VPS45: variants seen among roughly 807,000 people sequenced by gnomAD.
VPS45 encodes vacuolar protein sorting 45 homolog, also known as vacuolar protein sorting-associated protein 45.
In VPS45, 35 loss-of-function variants were observed where a neutral mutation model predicts 75.9. That is an observed-to-expected ratio of 0.46 (90% confidence interval 0.35 to 0.61). The LOEUF (loss-of-function observed/expected upper bound fraction) is 0.61. Among genes scored for constraint, VPS45 ranks in the 20% least tolerant of loss-of-function variants. The pLI is 0.00. For synonymous variants in VPS45, 220 were observed against 238.2 expected (o/e 0.92, Z 0.70); for missense variants, 559 against 685.9 (o/e 0.81, Z 2.07).
In VPS45 at chr1:150,092,161, C is replaced by T. The variant is rs1034602005; in HGVS notation, c.1263+66C>T. On this transcript the variant is annotated intron_variant, in intron 11 of 14. Transcript: ENST00000644510. ...TCTGTTATTATATTCTTAGCTCTAA[C>T]GAATGATAAATCATACTATTTTTAT... The T allele has an allele frequency of 5.2e-6, 8 of 1,545,300 alleles. No homozygotes were observed. In the Admixed American group the frequency reaches 7.6e-5, roughly 15 times the overall value.
rs74127408 is a variant in VPS45 at position 150,076,341 on chromosome 1, C to T, written c.369+29C>T. 8,616 of 1,535,130 alleles carry T rather than the reference C, an allele frequency of 5.6e-3. 348 individuals carry two copies. The African/African-American group carries it at 0.098, about 17-fold the overall frequency. Reference sequence around the variant, plus strand: ...AACATATTGGTCCTGTAACACATCTCGTATGTTGGCCCTTTTTAAATATTT... The same window carrying T: ...AACATATTGGTCCTGTAACACATCTTGTATGTTGGCCCTTTTTAAATATTT... On this transcript the variant is annotated intron_variant, in intron 4 of 14. Coordinates refer to ENST00000644510, the MANE Select transcript of VPS45 (RefSeq NM_007259.5).
At chr1:150,122,945 G>A (rs1336664773) in intron 14 of VPS45, among the ~76,000 whole-genome samples, 2 of 136,830 alleles carry the variant, frequency 1.5e-5, no homozygotes, top group Non-Finnish European at 3.0e-5. Flanking sequence ...GTTGCATCAC[G>A]CCATTACACT....
At chr1:150,073,832 C>A (rs1655215082) in intron 3 of VPS45, among the ~76,000 whole-genome samples, 1 of 151,932 alleles carries the variant, frequency 6.6e-6, no homozygotes, top group East Asian at 1.9e-4. Context: ...TTCTGTCCCA[C>A]CCCAACCCCC....
Position 150,092,029 on chromosome 1 carries a change from C to T in VPS45, c.1197C>T (p.Ser399=). Residue 399 remains serine (S), a synonymous_variant, in exon 11 of 15, where the codon AGC becomes AGT. Coordinates refer to ENST00000644510, the MANE Select transcript of VPS45 (RefSeq NM_007259.5). The part of the protein sequence containing the change: ...MLYALHYERH[S]SNSLPGLMMD... ...ATGCTTTACATTATGAGCGACACAG[C>T]AGCAATAGCCTGCCAGGACTAATGA... The T allele has an allele frequency of 1.9e-6, 3 of 1,614,058 alleles. No individual in the cohort carries two copies. The highest frequency in any genetic ancestry group is 2.5e-6 in the Non-Finnish European group (3 of 1,179,990).
chr1:150,090,879 A>T (rs1216721101), intron 10 of VPS45, among the ~76,000 whole-genome samples: 1 of 152,216 alleles, frequency 6.6e-6, no homozygotes. Flanking sequence ...CCCTTTCCCC[A>T]TATAGCATAA....
chr1:150,116,215 G>A (rs986455134), intron 14 of VPS45, among the ~76,000 whole-genome samples: 5 of 152,116 alleles, frequency 3.3e-5, no homozygotes, highest in African/African-American at 1.2e-4. Context: ...TGGAAGGATA[G>A]CCATGCATCC....
At chr1:150,098,752 T>C in intron 13 of VPS45, 1 of 622,698 alleles carries the variant, frequency 1.6e-6, no homozygotes, top group South Asian at 2.7e-5. Context: ...TTAAGCTGTT[T>C]GGCAGTATAG....
chr1:150,072,085 CA>C, intron 2 of VPS45, 80 bp from the exon 3 acceptor site: 1 of 1,277,550 alleles, frequency 7.8e-7, no homozygotes, highest in Non-Finnish European at 1.1e-6. Context: ...AGTAAATAAA[CA>C]AATCAATGGG....
At chr1:150,070,520 C>T (rs968407644) in intron 2 of VPS45, among the ~76,000 whole-genome samples, 7 of 151,880 alleles carry the variant, frequency 4.6e-5, no homozygotes, top group African/African-American at 1.2e-4. Flanking sequence ...TGGCCGGGCG[C>T]GGTGGCTCAC....
intron 13 of VPS45, among the ~76,000 whole-genome samples, chr1:150,094,322 C>T (rs184606963): frequency 1.1e-3 from 166 of 151,928 alleles, no homozygotes; most frequent in Non-Finnish European, 1.4e-3. Context: ...ATACTTGAAT[C>T]CTATTGGATA....
chr1:150,067,902 A>G lies in VPS45; in HGVS notation c.45A>G (p.Ile15Met). 1.9e-6 allele frequency: 3 copies of G among 1,614,248 alleles called. No homozygotes were observed. The highest frequency in any genetic ancestry group is 2.2e-5 in the South Asian group (2 of 91,086). Residue 15 changes from isoleucine to methionine, a missense_variant, in exon 1 of 15, where the codon ATA (isoleucine) becomes ATG (methionine). Physicochemically the swap from Ile to Met is conservative, Grantham distance 10 (BLOSUM62 1). Coordinates refer to ENST00000644510, the MANE Select transcript of VPS45 (RefSeq NM_007259.5). ...TGAAGCAGTACATTTCCAAAATGAT[A>G]GAGGACAGCGGGCCTGGTATGAAAG... is the stretch of plus-strand genomic sequence containing the variant. Reference protein sequence around the residue: ...FAVKQYISKMIEDSGPGMKVL... With the variant: ...FAVKQYISKMMEDSGPGMKVL...
intron 14 of VPS45, among the ~76,000 whole-genome samples, chr1:150,116,911 TA>T (rs1187171824): frequency 6.6e-6 from 1 of 152,038 alleles, no homozygotes; most frequent in Non-Finnish European, 1.5e-5. Flanking sequence ...TATCTCCATT[TA>T]AAAAAATAGG....
At chr1:150,090,941 C>T (rs1407331096) in intron 10 of VPS45, among the ~76,000 whole-genome samples, 1 of 152,158 alleles carries the variant, frequency 6.6e-6, no homozygotes, top group Non-Finnish European at 1.5e-5. Flanking sequence ...ATACTTCTTG[C>T]AGAACACACT....
intron 14 of VPS45, among the ~76,000 whole-genome samples, chr1:150,128,304 A>AT (rs1464134956): frequency 6.6e-6 from 1 of 150,848 alleles, no homozygotes; most frequent in Non-Finnish European, 1.5e-5. Context: ...CCTTGTCTTA[A>AT]AAAAAAAAAG....
In VPS45 at chr1:150,110,593, G is replaced by A; in HGVS notation, c.1591G>A (p.Val531Ile). 6.2e-7 allele frequency: 1 copy of A among 1,613,558 alleles called. No homozygotes were observed. Among genetic ancestry groups the A allele is most frequent in the Non-Finnish European group, 8.5e-7 (1 of 1,179,646 alleles). Residue 531 changes from valine to isoleucine, a missense_variant, in exon 14 of 15, where the codon GTC becomes ATC. Val to Ile is a conservative substitution (Grantham distance 29, BLOSUM62 3). Coordinates refer to ENST00000644510, the MANE Select transcript of VPS45 (RefSeq NM_007259.5). ...CCGCACCACTCCTGGAGTGAGGATTGTCCTGGGAGGCACCACAGTGCACAA... is the reference window on the plus strand; with the variant it reads ...CCGCACCACTCCTGGAGTGAGGATTATCCTGGGAGGCACCACAGTGCACAA... ...LNRTTPGVRI[V>I]LGGTTVHNTK...
intron 14 of VPS45, among the ~76,000 whole-genome samples, chr1:150,140,386 G>GTGTGTGT (rs1553815015): frequency 3.6e-5 from 5 of 140,432 alleles, no homozygotes; most frequent in South Asian, 2.4e-4. Flanking sequence ...CATCACTTCT[G>GTGTGTGT]GTGTGTGTGT....
chr1:150,092,304 C>G lies in VPS45; in HGVS notation c.1266C>G (p.Leu422=), dbSNP rs782520287. ...AATTTGCTTCTCTTTCTTAATAGCT[C>G]GTGTCTGCAGTTGTTGAATATGGTG... The part of the protein sequence containing the change: ...NKGVSEKYRK[L]VSAVVEYGGK... Residue 422 remains leucine (L), a splice_region_variant and synonymous_variant, in exon 12 of 15, where the codon CTC becomes CTG. Transcript: ENST00000644510. The G allele has an allele frequency of 6.2e-7, 1 of 1,613,344 alleles. No homozygotes were observed. The highest frequency in any genetic ancestry group is 2.2e-5 in the East Asian group (1 of 44,854).
At position 150,076,453 on chromosome 1, in the gene VPS45, A is replaced by C. The variant is rs1329710195; in HGVS notation, c.369+141A>C. 41 of 568,328 alleles carry C rather than the reference A, an allele frequency of 7.2e-5. No homozygotes were observed. In the Admixed American group the frequency reaches 1.5e-3, roughly 21 times the overall value. The allele number at this position is 568,328 out of a possible 1,614,324, so 35.2% of individuals were successfully genotyped here. On this transcript the variant is annotated intron_variant, in intron 4 of 14. Transcript: ENST00000644510. ...GAATATGTTTATCACATAAATGAGG[A>C]ATATTGTTTTCAGAGGCAGCAAATA...
At chr1:150,113,898 G>GA (rs1553807718) in intron 14 of VPS45, among the ~76,000 whole-genome samples, 3 of 151,322 alleles carry the variant, frequency 2.0e-5, no homozygotes, top group South Asian at 2.1e-4. Flanking sequence ...CTGTCTCAAA[G>GA]AAAAAAAGAA....
Sources: gnomAD v4.1 joint callset for allele counts (sites outside exome capture counted in the v4.1 genomes callset) on GRCh38, gnomAD v4.1.1 for gene constraint, MANE v1.5 for transcripts, NCBI Gene and HGNC (gene_info 2026-07-23, HGNC 2026-07-21) for gene names.